Variants in DNAJC5B observed in about 807,000 individuals in gnomAD.
DNAJC5B encodes dnaJ homolog subfamily C member 5B.
Under a neutral mutation model 24.7 loss-of-function variants are expected in DNAJC5B, and 23 were observed. The observed-to-expected ratio is 0.93, with a 90% CI of 0.67 to 1.32. The LOEUF (loss-of-function observed/expected upper bound fraction) is 1.32, where lower values mean the gene tolerates loss of function less well. Among genes scored for constraint, DNAJC5B ranks in the 40% most tolerant of loss-of-function variants. The probability of loss-of-function intolerance (pLI) is 0.00; values close to 1 mark genes in which losing one functional copy is unlikely to be tolerated. For synonymous variants in DNAJC5B, 101 were observed against 90.1 expected, an observed-to-expected ratio of 1.12 and a Z score of -0.68; for missense variants, 238 against 240.8, an observed-to-expected ratio of 0.99 and a Z score of 0.08.
intron 3 of DNAJC5B, among the ~76,000 whole-genome samples, chr8:66,058,220 A>T (rs59792335): frequency 0.21 from 31,884 of 152,020 alleles, 6,238 homozygotes; most frequent in African/African-American, 0.52. Context: ...CATGACTTAA[A>T]TAGTTTCCTA....
upstream of DNAJC5B, among the ~76,000 whole-genome samples, chr8:66,018,681 C>G (rs12114319): frequency 0.47 from 71,306 of 151,946 alleles, 21,512 homozygotes; most frequent in African/African-American, 0.86. Flanking sequence ...ACATGAGTCT[C>G]TCACTCAGGC....
intron 3 of DNAJC5B, among the ~76,000 whole-genome samples, chr8:66,060,479 C>G (rs951079530): frequency 1.3e-5 from 2 of 152,228 alleles, no homozygotes; most frequent in Non-Finnish European, 2.9e-5. Context: ...TGTGCCCTAA[C>G]CCCGTGCAGT....
chr8:66,030,433 TTTTCTTATGAATCA>T (rs777284726), intron 1 of DNAJC5B, among the ~76,000 whole-genome samples: 16 of 152,220 alleles, frequency 1.1e-4, no homozygotes, highest in Admixed American at 2.0e-4. Context: ...TGACTGCATC[TTTTCTTATGAATCA>T]TTTCAAGGCA....
intron 2 of DNAJC5B, among the ~76,000 whole-genome samples, chr8:66,045,241 A>AT (rs1354480393): frequency 6.6e-6 from 1 of 152,232 alleles, no homozygotes; most frequent in Non-Finnish European, 1.5e-5. Context: ...TTTTGCTTGC[A>AT]TTTTAACATG....
upstream of DNAJC5B, among the ~76,000 whole-genome samples, chr8:66,020,785 G>A (rs1266266244): frequency 6.6e-6 from 1 of 152,008 alleles, no homozygotes; most frequent in African/African-American, 2.4e-5. Context: ...CTACAGGCAC[G>A]CACAACTACG....
chr8:66,082,876 C>T (rs1807627242), intron 5 of DNAJC5B, among the ~76,000 whole-genome samples: 1 of 151,990 alleles, frequency 6.6e-6, no homozygotes, highest in Non-Finnish European at 1.5e-5. Context: ...AGAAAAATCG[C>T]AATTGTTTAA....
At chr8:66,051,917 G>C (rs1806855926) in intron 3 of DNAJC5B, among the ~76,000 whole-genome samples, 1 of 152,088 alleles carries the variant, frequency 6.6e-6, no homozygotes, top group African/African-American at 2.4e-5. Flanking sequence ...AAGAGAGAGA[G>C]AAAGACAGAG....
intron 3 of DNAJC5B, among the ~76,000 whole-genome samples, chr8:66,056,183 C>A (rs1806958375): frequency 6.6e-6 from 1 of 152,096 alleles, no homozygotes; most frequent in African/African-American, 2.4e-5. Flanking sequence ...AACCCAGGCC[C>A]AGCTTTTCCC....
chr8:66,093,040 T>C (rs1029656799), intron 5 of DNAJC5B, among the ~76,000 whole-genome samples: 3 of 152,182 alleles, frequency 2.0e-5, no homozygotes, highest in Admixed American at 2.0e-4. Context: ...CCATTCAGCG[T>C]TGTCCTTCTG....
chr8:66,096,217 T>C (rs1807949598), intron 5 of DNAJC5B, among the ~76,000 whole-genome samples: 1 of 152,180 alleles, frequency 6.6e-6, no homozygotes, highest in Non-Finnish European at 1.5e-5. Flanking sequence ...GTGTTTCCTC[T>C]GTGTCCAAAT....
chr8:66,015,746 T>A, the DNAJC5B span, among the ~76,000 whole-genome samples: 1 of 152,086 alleles, frequency 6.6e-6, no homozygotes, highest in Non-Finnish European at 1.5e-5. Flanking sequence ...TGGGCACAGA[T>A]GTGGATGTAT....
intron 3 of DNAJC5B, among the ~76,000 whole-genome samples, chr8:66,062,116 T>C (rs1376492399): frequency 1.3e-5 from 2 of 152,260 alleles, no homozygotes; most frequent in East Asian, 3.8e-4. Context: ...GTGCCTGGTC[T>C]CTCACTGTAC....
At chr8:66,073,534 C>T (rs2128963293) in intron 3 of DNAJC5B, among the ~76,000 whole-genome samples, 1 of 151,632 alleles carries the variant, frequency 6.6e-6, no homozygotes, top group South Asian at 2.1e-4. Context: ...AATTGACAAG[C>T]TAATTCTAAA....
chr8:66,069,251 C>A (rs1807293098), intron 3 of DNAJC5B, among the ~76,000 whole-genome samples: 1 of 151,376 alleles, frequency 6.6e-6, no homozygotes, highest in African/African-American at 2.4e-5. Flanking sequence ...AAATATAGAC[C>A]AAATGCTTCA....
the DNAJC5B span, among the ~76,000 whole-genome samples, chr8:66,015,384 A>G: frequency 6.6e-6 from 1 of 152,194 alleles, no homozygotes; most frequent in Non-Finnish European, 1.5e-5. Context: ...TATGGCTTGA[A>G]AGGAAATGTA....
rs145625086 is a variant in DNAJC5B, at chr8:66,054,785, G to A, written c.119+3119G>A. ...CATTTTGCCCTAGACCTATCCAGAGGCGCGTGCCTGGGAGCTGCCCACACC... is the reference window on the plus strand; with the variant it reads ...CATTTTGCCCTAGACCTATCCAGAGACGCGTGCCTGGGAGCTGCCCACACC... On this transcript the variant is annotated intron_variant, in intron 3 of 5. Coordinates refer to ENST00000276570, the MANE Select transcript of DNAJC5B (RefSeq NM_033105.6). 2.6e-3 allele frequency among the ~76,000 whole-genome samples: 389 copies of A among 152,296 alleles called. 2 individuals carry two copies. The highest frequency in any genetic ancestry group is 9.0e-3 in the African/African-American group (373 of 41,556).
At chr8:66,054,954 CAA>C (rs1806932743) in intron 3 of DNAJC5B, among the ~76,000 whole-genome samples, 1 of 152,074 alleles carries the variant, frequency 6.6e-6, no homozygotes, top group Non-Finnish European at 1.5e-5. Flanking sequence ...AAATGCTCCC[CAA>C]AATGGGGAGG....
At position 66,100,014 on chromosome 8, in the gene DNAJC5B, T is replaced by C. The variant is rs756438930; in HGVS notation, c.583T>C (p.Tyr195His). Residue 195 changes from tyrosine (Y) to histidine (H), a missense_variant, in exon 6 of 6, where the codon TAT (tyrosine) becomes CAT (histidine). Coordinates refer to ENST00000276570, the MANE Select transcript of DNAJC5B (RefSeq NM_033105.6). ...TQLIKEGSRSYCTDS is the reference protein window; with the variant it reads ...TQLIKEGSRSHCTDS ...GCTAATCAAAGAAGGATCTCGAAGTTATTGCACAGACTCTTGATATTGAGC... is the reference window on the plus strand; with the variant it reads ...GCTAATCAAAGAAGGATCTCGAAGTCATTGCACAGACTCTTGATATTGAGC... The C allele has an allele frequency of 9.3e-6, 15 of 1,613,962 alleles. No individual in the cohort carries two copies. The highest frequency in any genetic ancestry group is 1.1e-5 in the Non-Finnish European group (13 of 1,179,914).
At chr8:66,051,808 G>A (rs1563595246) in intron 3 of DNAJC5B, 142 bp downstream of exon 3, 2 of 667,350 alleles carry the variant, frequency 3.0e-6, no homozygotes, top group Non-Finnish European at 2.6e-6. Flanking sequence ...TACAACATAG[G>A]AGTTAGGAAT....
Sources: allele counts gnomAD v4.1 joint callset (sites outside exome capture counted in the v4.1 genomes callset), GRCh38; gene constraint gnomAD v4.1.1; transcripts MANE v1.5; gene names NCBI Gene and HGNC (gene_info 2026-07-23, HGNC 2026-07-21).